The following LARGE1 variants were observed in gnomAD, a reference collection of about 807,000 sequenced individuals.
LARGE1 encodes the protein xylosyl- and glucuronyltransferase LARGE1.
LARGE1 carries 43 observed loss-of-function variants against 87.6 expected under a neutral mutation model. That is an observed-to-expected ratio of 0.49 (90% CI 0.38 to 0.63). LARGE1 has a LOEUF of 0.63. LARGE1 is among the 30% of genes least tolerant of loss of function. The pLI, the probability that LARGE1 is intolerant of heterozygous loss-of-function variation, is 0.00. For missense variants in LARGE1, 802 were observed against 1,000.2 expected (o/e 0.80, Z 2.67); for synonymous variants, 434 against 394.6 (o/e 1.10, Z -1.18).
the LARGE1 span, among the ~76,000 whole-genome samples, chr22:33,123,059 G>A: frequency 3.9e-4 from 60 of 152,242 alleles, no homozygotes; most frequent in African/African-American, 1.4e-3. Flanking sequence ...AGAACTGAAG[G>A]ACTGAGGAAT....
chr22:33,710,255 G>A (rs1603219791), intron 2 of LARGE1, among the ~76,000 whole-genome samples: 1 of 151,848 alleles, frequency 6.6e-6, no homozygotes, highest in Non-Finnish European at 1.5e-5. Flanking sequence ...TCGGTGTTAA[G>A]CCTTTGAGGA....
Position 33,728,576 on chromosome 22 carries a change from A to AAAAAAAAAAAAAC in LARGE1, c.106+32794_106+32795insGTTTTTTTTTTTT, listed in dbSNP as rs56192894. 5.8e-5 allele frequency among the ~76,000 whole-genome samples: 6 copies of AAAAAAAAAAAAAC among 103,764 alleles called. 1 individual carries two copies. Among genetic ancestry groups the AAAAAAAAAAAAAC allele is most frequent in the Admixed American group, 1.2e-4 (1 of 8,366 alleles). 68.1% of individuals were successfully genotyped at this position (103,764 alleles called of 152,430 possible). The stretch of plus-strand genomic sequence containing the variant: ...CAAAAAAAAAAAAAAAAAAAAAAAA[A>AAAAAAAAAAAAAC]AAACCAACAACAGAGACACATTTCC... On this transcript the variant is annotated intron_variant, in intron 2 of 14. Coordinates refer to ENST00000397394, the MANE Select transcript of LARGE1 (RefSeq NM_133642.5).
intron 4 of LARGE1, among the ~76,000 whole-genome samples, chr22:33,618,582 G>A (rs1344513220): frequency 2.0e-5 from 3 of 152,180 alleles, no homozygotes; most frequent in African/African-American, 2.4e-5. Context: ...AAGATATCAC[G>A]TGCCTATGCT....
At chr22:33,824,040 A>G (rs996168807) in intron 1 of LARGE1, among the ~76,000 whole-genome samples, 5 of 152,206 alleles carry the variant, frequency 3.3e-5, no homozygotes, top group Admixed American at 1.3e-4. Flanking sequence ...CCTTAGAACA[A>G]TCCTTTAAGG....
intron 7 of LARGE1, among the ~76,000 whole-genome samples, chr22:33,396,712 A>T (rs1316244629): frequency 2.0e-5 from 3 of 152,078 alleles, no homozygotes; most frequent in Admixed American, 6.5e-5. Context: ...AAATAGAGGT[A>T]TGTTCTAGGC....
chr22:33,806,788 G>A (rs560712959), intron 1 of LARGE1, among the ~76,000 whole-genome samples: 1 of 152,226 alleles, frequency 6.6e-6, no homozygotes, highest in Admixed American at 6.5e-5. Context: ...GAGGCAGGCG[G>A]ATCACGAGGT....
chr22:33,769,115 G>A (rs1356777041), intron 1 of LARGE1, among the ~76,000 whole-genome samples: 1 of 152,194 alleles, frequency 6.6e-6, no homozygotes, highest in African/African-American at 2.4e-5. Context: ...TCTAAGAGAT[G>A]AAAGCAGAGT....
intron 6 of LARGE1, among the ~76,000 whole-genome samples, chr22:33,536,925 C>T (rs943810393): frequency 3.9e-5 from 6 of 152,232 alleles, no homozygotes; most frequent in South Asian, 4.1e-4. Context: ...GATTTTCCTG[C>T]CTCAGCCTCC....
At chr22:33,132,565 T>C in the LARGE1 span, among the ~76,000 whole-genome samples, 1 of 151,278 alleles carries the variant, frequency 6.6e-6, no homozygotes, top group East Asian at 1.9e-4. Context: ...GAAGCTCAAG[T>C]TTTTATGAAG....
intron 11 of LARGE1, among the ~76,000 whole-genome samples, chr22:33,210,378 A>C (rs1924898034): frequency 6.6e-6 from 1 of 152,206 alleles, no homozygotes; most frequent in South Asian, 2.1e-4. Flanking sequence ...TCTCTGAAAA[A>C]TGGCAAGAGA....
chr22:33,392,627 CCCG>C (rs759264410), intron 7 of LARGE1, among the ~76,000 whole-genome samples: 47 of 152,044 alleles, frequency 3.1e-4, no homozygotes, highest in Non-Finnish European at 5.9e-4. Context: ...CCACTGTACT[CCCG>C]CCTGGGCAAC....
At chr22:33,769,542 G>T (rs2085003254) in intron 1 of LARGE1, among the ~76,000 whole-genome samples, 1 of 152,088 alleles carries the variant, frequency 6.6e-6, no homozygotes, top group South Asian at 2.1e-4. Context: ...AGTCTCACTG[G>T]ATATTCATTA....
At chr22:33,802,977 T>C (rs775017757) in intron 1 of LARGE1, among the ~76,000 whole-genome samples, 2 of 152,084 alleles carry the variant, frequency 1.3e-5, no homozygotes, top group African/African-American at 4.8e-5. Context: ...GGTGAGTGGG[T>C]AGACAGACAA....
At chr22:33,331,026 C>A (rs1045002161) in intron 10 of LARGE1, among the ~76,000 whole-genome samples, 2 of 152,150 alleles carry the variant, frequency 1.3e-5, no homozygotes, top group African/African-American at 4.8e-5. Context: ...CGTCTTTTTA[C>A]CAGAGTTGCT....
chr22:33,157,960 T>C (rs929388237), downstream of LARGE1, among the ~76,000 whole-genome samples: 11 of 152,224 alleles, frequency 7.2e-5, no homozygotes, highest in African/African-American at 2.4e-4. Flanking sequence ...CAGATTTACA[T>C]GAATAAATGA....
At chr22:33,409,599 T>C (rs1003956517) in intron 7 of LARGE1, among the ~76,000 whole-genome samples, 3 of 151,968 alleles carry the variant, frequency 2.0e-5, no homozygotes, top group African/African-American at 7.2e-5. Context: ...TTAATAATAA[T>C]AATAAAACGA....
chr22:33,744,573 CCCTCTCCTGA>C (rs1255340795), intron 2 of LARGE1, among the ~76,000 whole-genome samples: 1 of 152,220 alleles, frequency 6.6e-6, no homozygotes, highest in Non-Finnish European at 1.5e-5. Context: ...TGCCGTGATG[CCCTCTCCTGA>C]CCTCTGGCCC....
intron 11 of LARGE1, among the ~76,000 whole-genome samples, chr22:33,169,454 A>G (rs192720754): frequency 1.8e-4 from 27 of 152,272 alleles, no homozygotes; most frequent in Admixed American, 1.3e-3. Flanking sequence ...TATAAATCAT[A>G]TATTTTCTTG....
chr22:33,604,894 C>T (rs16992623), intron 4 of LARGE1, among the ~76,000 whole-genome samples: 429 of 152,080 alleles, frequency 2.8e-3, no homozygotes, highest in African/African-American at 0.01. Flanking sequence ...ATTTGGTCAA[C>T]CTTTATATCT....
Sources: gnomAD v4.1 joint callset for allele counts (sites outside exome capture counted in the v4.1 genomes callset) on GRCh38, gnomAD v4.1.1 for gene constraint, MANE v1.5 for transcripts, NCBI Gene and HGNC (gene_info 2026-07-23, HGNC 2026-07-21) for gene names.